VAPB: variants seen among roughly 807,000 people sequenced by gnomAD.
VAPB encodes VAMP associated protein B and C.
In VAPB, 7 loss-of-function variants were observed where a neutral mutation model predicts 25.6. The observed-to-expected ratio is 0.27, with a 90% CI of 0.16 to 0.51. VAPB has a LOEUF of 0.51. Among genes scored for constraint, VAPB ranks in the 20% least tolerant of loss-of-function variants. The pLI, the probability that VAPB is intolerant of heterozygous loss-of-function variation, is 0.97. For synonymous variants in VAPB, 112 were observed against 109.2 expected, an observed-to-expected ratio of 1.03 and a Z score of -0.16; for missense variants, 266 against 301.3, an observed-to-expected ratio of 0.88 and a Z score of 0.87.
At chr20:58,434,386 A>G (rs1376009220) in intron 2 of VAPB, among the ~76,000 whole-genome samples, 1 of 152,174 alleles carries the variant, frequency 6.6e-6, no homozygotes, top group Non-Finnish European at 1.5e-5. Flanking sequence ...CCTCGGCCTT[A>G]TTCCCAGCTC....
chr20:58,397,119 C>T (rs1987976677), intron 1 of VAPB, among the ~76,000 whole-genome samples: 1 of 152,164 alleles, frequency 6.6e-6, no homozygotes, highest in Non-Finnish European at 1.5e-5. Context: ...GGATTTCTTG[C>T]CCTACTTTTG....
intron 1 of VAPB, among the ~76,000 whole-genome samples, chr20:58,410,787 A>T (rs1988358537): frequency 6.6e-6 from 1 of 152,322 alleles, no homozygotes. Flanking sequence ...GAGTAAAATC[A>T]TACAGTATGC....
intron 1 of VAPB, among the ~76,000 whole-genome samples, chr20:58,409,276 C>T (rs1988315770): frequency 6.6e-6 from 1 of 152,116 alleles, no homozygotes; most frequent in South Asian, 2.1e-4. Flanking sequence ...GGGATTGGTG[C>T]ACTGCAGATG....
chr20:58,426,000 C>CT (rs1441339173), intron 2 of VAPB, among the ~76,000 whole-genome samples: 3 of 152,168 alleles, frequency 2.0e-5, no homozygotes, highest in African/African-American at 7.2e-5. Context: ...TCAAATGATT[C>CT]TTGTGCCTCA....
At chr20:58,399,633 T>C (rs1369644448) in intron 1 of VAPB, among the ~76,000 whole-genome samples, 2 of 151,290 alleles carry the variant, frequency 1.3e-5, no homozygotes, top group Non-Finnish European at 2.9e-5. Context: ...CAGGAATCGC[T>C]TGAACCCAGG....
At chr20:58,435,188 C>T (rs1446734957) in intron 3 of VAPB, among the ~76,000 whole-genome samples, 2 of 151,876 alleles carry the variant, frequency 1.3e-5, no homozygotes, top group Admixed American at 1.3e-4. Context: ...TTTATTTTCC[C>T]CCCTGCTTAA....
intron 1 of VAPB, among the ~76,000 whole-genome samples, chr20:58,392,444 C>T (rs142892721): frequency 2.6e-4 from 39 of 152,292 alleles, no homozygotes; most frequent in Middle Eastern, 3.4e-3. Flanking sequence ...AGGCCTCTGG[C>T]TCATAACTTT....
intron 1 of VAPB, among the ~76,000 whole-genome samples, chr20:58,411,712 T>A (rs1338151927): frequency 1.3e-5 from 2 of 152,238 alleles, no homozygotes. Flanking sequence ...TCTCTTTCGC[T>A]CTGTCACCCA....
chr20:58,423,501 A>G (rs145739811), intron 2 of VAPB, among the ~76,000 whole-genome samples: 23 of 151,286 alleles, frequency 1.5e-4, no homozygotes, highest in African/African-American at 5.3e-4. Context: ...TTGGATGAAA[A>G]CATTGATCAG....
At chr20:58,431,554 GT>G (rs922400100) in intron 2 of VAPB, 3 of 131,086 alleles carry the variant, frequency 2.3e-5, no homozygotes, top group Non-Finnish European at 5.0e-5. Context: ...CCCTTATCTT[GT>G]TTGTTTTTTT....
intron 1 of VAPB, among the ~76,000 whole-genome samples, chr20:58,402,083 C>T (rs894218417): frequency 6.6e-6 from 1 of 152,174 alleles, no homozygotes; most frequent in Non-Finnish European, 1.5e-5. Context: ...CAAATCTGAG[C>T]ATATCTCTTG....
intron 4 of VAPB, 194 bp from the exon 5 acceptor site, chr20:58,440,713 A>G (rs1989140667): frequency 1.9e-6 from 1 of 529,370 alleles, no homozygotes; most frequent in Non-Finnish European, 3.3e-6. Flanking sequence ...CTTATCCATA[A>G]TTTCTAGGGC....
chr20:58,440,604 A>G, intron 4 of VAPB: 1 of 327,784 alleles, frequency 3.1e-6, no homozygotes, highest in South Asian at 2.7e-5. Flanking sequence ...CAATTACAGT[A>G]TGCTGATTTT....
intron 5 of VAPB, among the ~76,000 whole-genome samples, chr20:58,442,187 A>G (rs1204306304): frequency 6.6e-6 from 1 of 152,198 alleles, no homozygotes; most frequent in Non-Finnish European, 1.5e-5. Context: ...TTTTACTCTG[A>G]CAGTGAGGTA....
At chr20:58,406,865 C>G (rs1432414255) in intron 1 of VAPB, among the ~76,000 whole-genome samples, 1 of 152,096 alleles carries the variant, frequency 6.6e-6, no homozygotes, top group Non-Finnish European at 1.5e-5. Flanking sequence ...TGTCACTCTT[C>G]TATTTAGATA....
At chr20:58,411,632 T>A (rs982670525) in intron 1 of VAPB, among the ~76,000 whole-genome samples, 1 of 152,218 alleles carries the variant, frequency 6.6e-6, no homozygotes, top group Non-Finnish European at 1.5e-5. Flanking sequence ...GCTGTTCAGA[T>A]CTTTTGCCCA....
intron 1 of VAPB, among the ~76,000 whole-genome samples, chr20:58,402,194 A>G (rs535742026): frequency 1.6e-4 from 24 of 152,080 alleles, no homozygotes; most frequent in Non-Finnish European, 3.2e-4. Context: ...CTCCCCCCAC[A>G]TTGCCCTGCC....
chr20:58,411,658 G>T (rs1988382021), intron 1 of VAPB, among the ~76,000 whole-genome samples: 1 of 151,932 alleles, frequency 6.6e-6, no homozygotes, highest in Non-Finnish European at 1.5e-5. Context: ...AAATTAGGTT[G>T]TTCATTTTAT....
chr20:58,389,655 G>C (rs1224710099), intron 1 of VAPB, 138 bp downstream of exon 1: 3 of 910,072 alleles, frequency 3.3e-6, no homozygotes, highest in Non-Finnish European at 4.5e-6. Flanking sequence ...AGGCCGGGCC[G>C]GGCCTTGGCG....
Sources: gnomAD v4.1 joint callset for allele counts (sites outside exome capture counted in the v4.1 genomes callset) on GRCh38, gnomAD v4.1.1 for gene constraint, MANE v1.5 for transcripts, NCBI Gene and HGNC (gene_info 2026-07-23, HGNC 2026-07-21) for gene names.